COA1: variants seen among roughly 807,000 people sequenced by gnomAD.
The protein encoded by COA1 is cytochrome c oxidase assembly factor 1 homolog.
Under a neutral mutation model 16.0 loss-of-function variants are expected in COA1, and 13 were observed. The observed-to-expected ratio is 0.81, with a 90% CI of 0.53 to 1.29. The LOEUF (loss-of-function observed/expected upper bound fraction) is 1.29, where lower values mean the gene tolerates loss of function less well. Ranked by LOEUF, COA1 falls within the 50% of genes most tolerant of loss-of-function variation. The pLI is 0.00. For synonymous variants in COA1, 65 were observed against 65.7 expected, an observed-to-expected ratio of 0.99 and a Z score of 0.05; for missense variants, 179 against 177.0, an observed-to-expected ratio of 1.01 and a Z score of -0.06.
At chr7:43,724,494 T>C (rs1248411618) in intron 1 of COA1, among the ~76,000 whole-genome samples, 1 of 150,612 alleles carries the variant, frequency 6.6e-6, no homozygotes, top group Non-Finnish European at 1.5e-5. Context: ...GAGGTTGCAG[T>C]GAGCCAAGAT....
chr7:43,648,446 A>G (rs1477141459), intron 2 of COA1, 154 bp downstream of exon 2: 2 of 816,638 alleles, frequency 2.4e-6, no homozygotes, highest in South Asian at 1.3e-5. Flanking sequence ...CAATGCAGAA[A>G]ATGCCCATCC....
At chr7:43,680,687 G>C (rs756235451) in intron 1 of COA1, among the ~76,000 whole-genome samples, 14 of 152,178 alleles carry the variant, frequency 9.2e-5, no homozygotes, top group Non-Finnish European at 1.9e-4. Flanking sequence ...AGCTGAAGTG[G>C]CTGGGCCATG....
At chr7:43,676,828 A>G (rs1181749128) in intron 1 of COA1, among the ~76,000 whole-genome samples, 1 of 152,208 alleles carries the variant, frequency 6.6e-6, no homozygotes, top group African/African-American at 2.4e-5. Context: ...GAACACATCC[A>G]AAGTTGGCTG....
At chr7:43,624,037 A>G (rs1027051291) in intron 6 of COA1, 2 of 568,040 alleles carry the variant, frequency 3.5e-6, no homozygotes, top group East Asian at 6.7e-5. Context: ...AAATGTTGAC[A>G]TAAATCTAGG....
At chr7:43,616,160 T>C (rs1186034993) in intron 6 of COA1, among the ~76,000 whole-genome samples, 2 of 152,246 alleles carry the variant, frequency 1.3e-5, no homozygotes, top group African/African-American at 2.4e-5. Flanking sequence ...TCTGCTCACA[T>C]ATCTCCTCTG....
intron 1 of COA1, among the ~76,000 whole-genome samples, chr7:43,680,972 G>A (rs555487235): frequency 7.4e-4 from 113 of 152,182 alleles, no homozygotes; most frequent in African/African-American, 2.7e-3. Flanking sequence ...CCCTGTCTCT[G>A]GGGAGGGGGG....
downstream of COA1, among the ~76,000 whole-genome samples, chr7:43,636,974 A>T (rs1170711572): frequency 6.6e-6 from 1 of 151,856 alleles, no homozygotes; most frequent in Non-Finnish European, 1.5e-5. Flanking sequence ...CTTTTACTTT[A>T]CCTGCGCTCA....
intron 2 of COA1, chr7:43,647,864 TG>T (rs1388073844): frequency 9.4e-6 from 5 of 529,848 alleles, no homozygotes; most frequent in Admixed American, 6.6e-5. Context: ...ACCCATGCTG[TG>T]GGGGCCCTGC....
chr7:43,676,155 CTT>C (rs1563335237), intron 1 of COA1, among the ~76,000 whole-genome samples: 1 of 152,154 alleles, frequency 6.6e-6, no homozygotes, highest in Admixed American at 6.5e-5. Context: ...TTAGTATCCA[CTT>C]TGTTTTCAAA....
intron 1 of COA1, among the ~76,000 whole-genome samples, chr7:43,689,923 A>T (rs2094198890): frequency 6.6e-6 from 1 of 152,224 alleles, no homozygotes; most frequent in Admixed American, 6.5e-5. Flanking sequence ...TAATGGAGAT[A>T]AAATGAAATC....
intron 1 of COA1, among the ~76,000 whole-genome samples, chr7:43,687,433 G>C (rs1167863897): frequency 6.6e-6 from 1 of 152,076 alleles, no homozygotes; most frequent in Non-Finnish European, 1.5e-5. Flanking sequence ...AAAGATCAGA[G>C]GGAGAGAGTA....
At chr7:43,671,514 TGAA>T (rs2093261427) in intron 1 of COA1, among the ~76,000 whole-genome samples, 2 of 152,100 alleles carry the variant, frequency 1.3e-5, no homozygotes, top group African/African-American at 4.8e-5. Context: ...ATATATCTAA[TGAA>T]GGAGGTTAAA....
At chr7:43,640,468 T>C in intron 5 of COA1, 105 bp downstream of exon 5, 1 of 848,360 alleles carries the variant, frequency 1.2e-6, no homozygotes, top group Non-Finnish European at 1.9e-6. Context: ...AAATAATTCT[T>C]CCTATGCCCA....
At chr7:43,714,670 T>C (rs542983164) in intron 1 of COA1, among the ~76,000 whole-genome samples, 1 of 149,430 alleles carries the variant, frequency 6.7e-6, no homozygotes, top group East Asian at 2.0e-4. Flanking sequence ...TGTATAAAAA[T>C]GATTTGTATC....
intron 6 of COA1, among the ~76,000 whole-genome samples, chr7:43,621,920 C>T (rs2083933750): frequency 6.6e-6 from 1 of 152,152 alleles, no homozygotes; most frequent in Non-Finnish European, 1.5e-5. Context: ...TACATACACA[C>T]AGAAACTGGT....
chr7:43,639,164 C>G (rs2086457922), downstream of COA1: 1 of 152,898 alleles, frequency 6.5e-6, no homozygotes, highest in Non-Finnish European at 1.5e-5. Context: ...AGAAAAAATC[C>G]CTTCAGTGCT....
At chr7:43,728,532 A>G (rs1343695454) in intron 1 of COA1, among the ~76,000 whole-genome samples, 3 of 152,178 alleles carry the variant, frequency 2.0e-5, no homozygotes, top group Non-Finnish European at 4.4e-5. Context: ...GCATAATATG[A>G]GTGTACCTGC....
At chr7:43,702,046 T>C (rs2094766727) in intron 1 of COA1, among the ~76,000 whole-genome samples, 1 of 152,158 alleles carries the variant, frequency 6.6e-6, no homozygotes, top group African/African-American at 2.4e-5. Context: ...ACTCTGTTGA[T>C]AGTTTCTTTC....
chr7:43,645,298 G>C lies in COA1; in HGVS notation c.217C>G (p.Leu73Val). ...AAGTTTTCCCTGTCGATGAGCTTGA[G>C]ATAATGGATGTTGAGAGGAGGGCCC... is the stretch of plus-strand genomic sequence containing the variant. ...ALGPPLNIHY[L>V]KLIDRENFVD... Residue 73 changes from leucine to valine, a missense_variant, in exon 4 of 6, where the codon CTC becomes GTC. Transcript: ENST00000223336. 1 of 1,614,110 alleles carries C rather than the reference G, an allele frequency of 6.2e-7. No homozygotes were observed. The highest frequency in any genetic ancestry group is 1.7e-5 in the Admixed American group (1 of 60,018).
Sources: gnomAD v4.1 joint callset for allele counts (sites outside exome capture counted in the v4.1 genomes callset) on GRCh38, gnomAD v4.1.1 for gene constraint, MANE v1.5 for transcripts, NCBI Gene and HGNC (gene_info 2026-07-23, HGNC 2026-07-21) for gene names.